RORA: variants seen among roughly 807,000 people sequenced by gnomAD.
RORA encodes RAR related orphan receptor A.
In RORA, 7 loss-of-function variants were observed where a neutral mutation model predicts 69.5. The observed-to-expected ratio is 0.10, with a 90% CI of 0.06 to 0.19. The LOEUF (loss-of-function observed/expected upper bound fraction) is 0.19, where lower values mean the gene tolerates loss of function less well. RORA is among the 10% of genes least tolerant of loss of function. RORA has a pLI of 1.00. For synonymous variants in RORA, 261 were observed against 240.8 expected (o/e 1.08, Z -0.78); for missense variants, 457 against 663.0 (o/e 0.69, Z 3.41).
intron 1 of RORA, among the ~76,000 whole-genome samples, chr15:60,995,582 T>C (rs1368653364): frequency 1.3e-5 from 2 of 149,336 alleles, no homozygotes; most frequent in African/African-American, 5.2e-5. Flanking sequence ...CAAGGTCTCT[T>C]GTCCCCAGAC....
intron 1 of RORA, among the ~76,000 whole-genome samples, chr15:61,109,766 T>C (rs2078985986): frequency 6.6e-6 from 1 of 152,224 alleles, no homozygotes; most frequent in African/African-American, 2.4e-5. Flanking sequence ...CTATGTTACC[T>C]TGGCAAGTTA....
chr15:60,959,138 T>C (rs115353440), intron 1 of RORA, among the ~76,000 whole-genome samples: 65 of 152,340 alleles, frequency 4.3e-4, no homozygotes, highest in African/African-American at 1.5e-3. Flanking sequence ...GGTACAGCCA[T>C]TGCCATTAGG....
At chr15:60,687,520 C>T (rs1253101549) in intron 1 of RORA, among the ~76,000 whole-genome samples, 4 of 152,162 alleles carry the variant, frequency 2.6e-5, no homozygotes, top group African/African-American at 4.8e-5. Flanking sequence ...GAGGCCGAGG[C>T]GGGCAGATCA....
In RORA at chr15:60,763,065, A is replaced by ATTT. The variant is rs374433414; in HGVS notation, c.167-84382_167-84380dup. Among the ~76,000 whole-genome samples, 414 of 48,360 alleles carry ATTT rather than the reference A, an allele frequency of 8.6e-3. 44 individuals carry two copies. Among genetic ancestry groups the ATTT allele is most frequent in the African/African-American group, 0.014 (200 of 13,970 alleles). 31.7% of individuals were successfully genotyped at this position (48,360 alleles called of 152,430 possible). A position where few individuals can be genotyped will look rare whatever the true frequency, so the allele number is the denominator to read the frequency against. ...AAAGTACTGTTTCCAATATGCACAG[A>ATTT]TTTTTTTTTTTTTTTTTTTTTTTTT... is the stretch of plus-strand genomic sequence containing the variant. On this transcript the variant is annotated intron_variant, in intron 1 of 10. Coordinates refer to ENST00000335670, the MANE Select transcript of RORA (RefSeq NM_134261.3).
chr15:60,515,781 AC>A (rs1174600882), intron 3 of RORA, among the ~76,000 whole-genome samples: 1 of 146,942 alleles, frequency 6.8e-6, no homozygotes, highest in African/African-American at 2.5e-5. Context: ...TTGCTCTGTC[AC>A]CCAGGCCAGA....
At chr15:61,180,407 T>C (rs1370430) in intron 1 of RORA, among the ~76,000 whole-genome samples, 88,650 of 152,000 alleles carry the variant, frequency 0.58, 26,260 homozygotes, top group East Asian at 0.68. Flanking sequence ...CTATGCAACA[T>C]CTTACATGGT....
At chr15:60,681,156 T>A (rs2070636904) in intron 1 of RORA, among the ~76,000 whole-genome samples, 1 of 152,188 alleles carries the variant, frequency 6.6e-6, no homozygotes, top group Non-Finnish European at 1.5e-5. Flanking sequence ...AGTAAATGAT[T>A]CCATAGAAGT....
chr15:61,091,282 AAC>A (rs1684338393), intron 1 of RORA, among the ~76,000 whole-genome samples: 1 of 152,202 alleles, frequency 6.6e-6, no homozygotes, highest in African/African-American at 2.4e-5. Flanking sequence ...TTGTGAACTG[AAC>A]AAGCTGAAAT....
At chr15:60,525,830 T>C (rs1407986530) in intron 3 of RORA, among the ~76,000 whole-genome samples, 1 of 152,174 alleles carries the variant, frequency 6.6e-6, no homozygotes, top group Admixed American at 6.5e-5. Flanking sequence ...ATTTTATTTA[T>C]CTTGGCAACT....
intron 1 of RORA, chr15:61,196,085 C>G (rs2079843163): frequency 6.6e-6 from 1 of 152,200 alleles, no homozygotes; most frequent in African/African-American, 2.4e-5. Flanking sequence ...TAGCAAAACC[C>G]ACAATTGCTT....
At chr15:60,797,813 C>G (rs1307901975) in intron 1 of RORA, among the ~76,000 whole-genome samples, 7 of 152,154 alleles carry the variant, frequency 4.6e-5, no homozygotes, top group Admixed American at 4.6e-4. Flanking sequence ...CTAGGTACTT[C>G]CTTCTCCACA....
At chr15:61,221,972 A>C (rs1187994291) in intron 1 of RORA, among the ~76,000 whole-genome samples, 1 of 151,696 alleles carries the variant, frequency 6.6e-6, no homozygotes, top group Non-Finnish European at 1.5e-5. Context: ...AAAAAAAAAA[A>C]CTAAAAAAAT....
chr15:60,762,499 AGCCAACTGTGT>A (rs1316211501), intron 1 of RORA, among the ~76,000 whole-genome samples: 1 of 152,144 alleles, frequency 6.6e-6, no homozygotes, highest in African/African-American at 2.4e-5. Flanking sequence ...GACATATTAC[AGCCAACTGTGT>A]GCCTTTAAAG....
intron 1 of RORA, among the ~76,000 whole-genome samples, chr15:61,039,736 C>T (rs1896642770): frequency 7.9e-6 from 1 of 126,236 alleles, no homozygotes; most frequent in Non-Finnish European, 1.6e-5. Context: ...CAGAGTGAGA[C>T]TCTGTCTCAA....
intron 2 of RORA, among the ~76,000 whole-genome samples, chr15:60,637,409 C>G (rs1181671734): frequency 6.6e-6 from 1 of 151,994 alleles, no homozygotes; most frequent in Non-Finnish European, 1.5e-5. Context: ...TGTTTATGAT[C>G]TTTTTTGACA....
intron 1 of RORA, among the ~76,000 whole-genome samples, chr15:60,880,923 T>C (rs111436617): frequency 2.0e-5 from 3 of 152,226 alleles, no homozygotes; most frequent in African/African-American, 7.2e-5. Flanking sequence ...GGTACTAATC[T>C]ACAAAACAAA....
chr15:60,847,711 T>C (rs1169053914), intron 1 of RORA: 2 of 152,144 alleles, frequency 1.3e-5, no homozygotes, highest in African/African-American at 4.8e-5. Context: ...ATTAATAAGT[T>C]TTCCATATTG....
At chr15:61,119,082 G>GA (rs11380711) in intron 1 of RORA, among the ~76,000 whole-genome samples, 98,307 of 130,822 alleles carry the variant, frequency 0.75, 33,803 homozygotes, top group South Asian at 0.81. Flanking sequence ...GTTAACAGAA[G>GA]GGGGGGGGGG....
chr15:61,221,092 C>T (rs1477473556), intron 1 of RORA, among the ~76,000 whole-genome samples: 1 of 152,198 alleles, frequency 6.6e-6, no homozygotes, highest in Non-Finnish European at 1.5e-5. Flanking sequence ...ATGTCTGGGT[C>T]TAGAGATTGT....
Sources: gnomAD v4.1 joint callset for allele counts (sites outside exome capture counted in the v4.1 genomes callset) on GRCh38, gnomAD v4.1.1 for gene constraint, MANE v1.5 for transcripts, NCBI Gene and HGNC (gene_info 2026-07-23, HGNC 2026-07-21) for gene names.